Variants in STON1 observed in about 807,000 individuals in gnomAD.
STON1 encodes the protein stonin-1.
Under a neutral mutation model 60.9 loss-of-function variants are expected in STON1, and 79 were observed. The ratio of observed to expected loss-of-function variants is 1.30; its 90% CI spans 1.08 to 1.56. The LOEUF (loss-of-function observed/expected upper bound fraction) is 1.56, where lower values mean the gene tolerates loss of function less well. Among genes scored for constraint, STON1 ranks in the 40% most tolerant of loss-of-function variants. STON1 has a pLI of 0.00. For synonymous variants in STON1, 363 were observed against 306.9 expected (o/e 1.18, Z -1.91); for missense variants, 1,166 against 858.9 (o/e 1.36, Z -4.47).
chr2:48,574,078 G>T (rs1045448754), intron 1 of STON1, among the ~76,000 whole-genome samples: 2 of 152,126 alleles, frequency 1.3e-5, no homozygotes, highest in Non-Finnish European at 2.9e-5. Context: ...GGGATGAAAA[G>T]AATGTTGTGG....
chr2:48,549,616 A>G (rs1338076289), intron 1 of STON1, among the ~76,000 whole-genome samples: 3 of 152,064 alleles, frequency 2.0e-5, no homozygotes, highest in African/African-American at 7.2e-5. Flanking sequence ...GTTCAATACC[A>G]GCCTGACCAA....
intron 1 of STON1, among the ~76,000 whole-genome samples, chr2:48,555,540 G>T (rs1386604058): frequency 1.4e-5 from 1 of 73,254 alleles, no homozygotes. Context: ...CGGCTGGCCG[G>T]GCGTGGGGCT....
Position 48,564,606 on chromosome 2 carries a change from CTCCTT to C in STON1, c.-47-15980_-47-15976del, listed in dbSNP as rs1369886493. ...CCTCCTCCTCCTCCTCCTCCTCCTT[CTCCTT>C]CTCCTTCTCCTTCTCCTTCTCTTTC... On this transcript the variant is annotated intron_variant, in intron 1 of 3. Transcript: ENST00000404752. Among the ~76,000 whole-genome samples the C allele has an allele frequency of 2.8e-4, 27 of 95,492 alleles. 4 individuals carry two copies. The highest frequency in any genetic ancestry group is 4.3e-4 in the Non-Finnish European group (19 of 44,630). 62.6% of individuals were successfully genotyped at this position (95,492 alleles called of 152,430 possible).
At chr2:48,531,804 C>T (rs1671222051) in intron 1 of STON1, 1 of 152,138 alleles carries the variant, frequency 6.6e-6, no homozygotes, top group South Asian at 2.1e-4. Flanking sequence ...TTCCTGTTTC[C>T]ATACAAACAA....
Position 48,579,370 on chromosome 2 carries a change from G to A in STON1, c.-47-1217G>A, listed in dbSNP as rs966316485. On this transcript the variant is annotated intron_variant, in intron 1 of 3. Coordinates refer to ENST00000404752, the MANE Select transcript of STON1 (RefSeq NM_006873.4). ...GTTGCCCAGGCTGGAGTGCAGTGGCGCATTTGTGGCTATAAAGTTCCCTGT... is the reference window on the plus strand; with the variant it reads ...GTTGCCCAGGCTGGAGTGCAGTGGCACATTTGTGGCTATAAAGTTCCCTGT... Among the ~76,000 whole-genome samples the A allele has an allele frequency of 1.3e-4, 19 of 151,822 alleles. No homozygotes were observed. The East Asian group carries it at 1.9e-3, about 15-fold the overall frequency.
chr2:48,569,635 G>A (rs1334214788), intron 1 of STON1, among the ~76,000 whole-genome samples: 1 of 152,214 alleles, frequency 6.6e-6, no homozygotes, highest in African/African-American at 2.4e-5. Context: ...CTCACAAAGA[G>A]TATATGAATT....
chr2:48,593,856 T>C (rs200677793), intron 3 of STON1, among the ~76,000 whole-genome samples: 1 of 152,102 alleles, frequency 6.6e-6, no homozygotes, highest in East Asian at 1.9e-4. Context: ...ATAAAAGTAA[T>C]GATAGGTAGT....
intron 1 of STON1, among the ~76,000 whole-genome samples, chr2:48,544,519 A>C (rs1671783883): frequency 6.6e-6 from 1 of 151,966 alleles, no homozygotes; most frequent in South Asian, 2.1e-4. Flanking sequence ...TAAGGCCATA[A>C]GTTTTTTTGG....
chr2:48,580,579 T>C lies in STON1; in HGVS notation c.-47-8T>C. ...ACCTATTTTCTCTTTATTTTATTTT[T>C]TTAACAGAGTCAACCTATTTGATTT... On this transcript the variant is annotated splice_polypyrimidine_tract_variant and splice_region_variant and intron_variant, in intron 1 of 3. Transcript: ENST00000404752. 1.5e-6 allele frequency: 2 copies of C among 1,318,926 alleles called. No homozygotes were observed. Among genetic ancestry groups the C allele is most frequent in the Non-Finnish European group, 2.0e-6 (2 of 1,025,608 alleles). 81.7% of individuals were successfully genotyped at this position (1,318,926 alleles called of 1,614,324 possible).
In STON1 at chr2:48,581,618, A is replaced by T. The variant is rs753894249; in HGVS notation, c.985A>T (p.Arg329Trp). ...AGAGATACAGCTTGATCCATATTGT[A>T]GGCTTTCTGAACCCAAGGTTGAGAA... ...FKEIQLDPYCRLSEPKVENFS... is the reference protein window; with the variant it reads ...FKEIQLDPYCWLSEPKVENFS... Residue 329 changes from arginine to tryptophan, a missense_variant, in exon 2 of 4, where the codon AGG becomes TGG. Arg to Trp is a moderately radical substitution (Grantham distance 101). Coordinates refer to ENST00000404752, the MANE Select transcript of STON1 (RefSeq NM_006873.4). 2.5e-6 allele frequency: 4 copies of T among 1,614,128 alleles called. No homozygotes were observed. The highest frequency in any genetic ancestry group is 2.2e-5 in the South Asian group (2 of 91,086).
intron 1 of STON1, chr2:48,531,622 T>C (rs1375550259): frequency 6.6e-6 from 1 of 152,310 alleles, no homozygotes; most frequent in East Asian, 1.9e-4. Context: ...TGCAAACCTC[T>C]GCACACTCAC....
intron 1 of STON1, among the ~76,000 whole-genome samples, chr2:48,566,965 A>G (rs1375317737): frequency 1.3e-5 from 2 of 152,146 alleles, no homozygotes; most frequent in African/African-American, 4.8e-5. Flanking sequence ...GAGAGAATCT[A>G]TGTCACTATT....
intron 1 of STON1, among the ~76,000 whole-genome samples, chr2:48,538,995 G>A (rs568407223): frequency 6.6e-6 from 1 of 152,058 alleles, no homozygotes; most frequent in South Asian, 2.1e-4. Context: ...ATAGCTCACT[G>A]CAGCCTCAAA....
At chr2:48,552,812 A>G (rs1037988835) in intron 1 of STON1, among the ~76,000 whole-genome samples, 1 of 152,218 alleles carries the variant, frequency 6.6e-6, no homozygotes, top group Non-Finnish European at 1.5e-5. Flanking sequence ...GTGTACACTT[A>G]CAAATGGTTA....
chr2:48,533,210 C>T (rs113794055), intron 1 of STON1, among the ~76,000 whole-genome samples: 1,752 of 151,524 alleles, frequency 0.012, 37 homozygotes, highest in African/African-American at 0.037. Flanking sequence ...AGTGAAACCC[C>T]GTCTCTACTA....
intron 1 of STON1, among the ~76,000 whole-genome samples, chr2:48,536,547 TA>T (rs540312014): frequency 0.058 from 5,985 of 102,872 alleles, 359 homozygotes; most frequent in African/African-American, 0.19. Context: ...GATGCCATCT[TA>T]AAAAAAAAAA....
intron 1 of STON1, among the ~76,000 whole-genome samples, chr2:48,573,715 A>G (rs1275758079): frequency 6.6e-6 from 1 of 152,256 alleles, no homozygotes; most frequent in Non-Finnish European, 1.5e-5. Context: ...CACGAAACTT[A>G]TACACAAATA....
intron 1 of STON1, among the ~76,000 whole-genome samples, chr2:48,567,316 C>G (rs1388093588): frequency 6.6e-6 from 1 of 152,138 alleles, no homozygotes; most frequent in African/African-American, 2.4e-5. Flanking sequence ...TTTTGATTTT[C>G]CTTAAGGTAT....
At chr2:48,576,764 ACCG>A (rs1673522956) in intron 1 of STON1, among the ~76,000 whole-genome samples, 9 of 152,154 alleles carry the variant, frequency 5.9e-5, no homozygotes, top group Admixed American at 5.9e-4. Context: ...TATAAGAAAT[ACCG>A]TTTGCAGGCC....
Sources: gnomAD v4.1 joint callset for allele counts (sites outside exome capture counted in the v4.1 genomes callset) on GRCh38, gnomAD v4.1.1 for gene constraint, MANE v1.5 for transcripts, NCBI Gene and HGNC (gene_info 2026-07-23, HGNC 2026-07-21) for gene names.